Variants in UNC13C observed in about 807,000 individuals in gnomAD.
UNC13C encodes the protein unc-13 homolog C.
Under a neutral mutation model 245.4 loss-of-function variants are expected in UNC13C, and 174 were observed. The observed-to-expected ratio is 0.71, with a 90% CI of 0.63 to 0.80. The LOEUF is 0.80. Ranked by LOEUF, UNC13C falls within the 30% of genes least tolerant of loss-of-function variation. UNC13C has a pLI of 0.00. For synonymous variants in UNC13C, 992 were observed against 895.1 expected (o/e 1.11, Z -1.93); for missense variants, 2,829 against 2,602.9 (o/e 1.09, Z -1.89).
chr15:54,575,199 C>T (rs1436651584), intron 30 of UNC13C, among the ~76,000 whole-genome samples: 1 of 152,126 alleles, frequency 6.6e-6, no homozygotes, highest in Non-Finnish European at 1.5e-5. Flanking sequence ...CCACACCCAG[C>T]TAATTTTTGT....
In UNC13C at chr15:54,322,007, C is replaced by A; in HGVS notation, c.4337C>A (p.Ala1446Asp). Residue 1446 changes from alanine (A) to aspartate (D), a missense_variant, in exon 14 of 33, where the codon GCT becomes GAT. Ala to Asp is a moderately radical substitution (Grantham distance 126, BLOSUM62 -2). Transcript: ENST00000260323. The part of the protein sequence containing the change: ...GVPAVMSTLL[A>D]NINAFYAHTT... ...CCTGCCGTCATGAGCACCTTGCTGG[C>A]TAATATAAATGCTTTTTATGCTCAC... The A allele has an allele frequency of 6.3e-7, 1 of 1,588,668 alleles. No individual in the cohort carries two copies. The highest frequency in any genetic ancestry group is 8.6e-7 in the Non-Finnish European group (1 of 1,166,058).
intron 1 of UNC13C, among the ~76,000 whole-genome samples, chr15:53,998,379 A>T (rs540622197): frequency 2.8e-4 from 42 of 152,230 alleles, no homozygotes; most frequent in African/African-American, 9.6e-4. Context: ...TAAAAATTTT[A>T]TGATTTTGAT....
At chr15:54,086,275 C>T (rs1178657359) in intron 2 of UNC13C, among the ~76,000 whole-genome samples, 3 of 152,286 alleles carry the variant, frequency 2.0e-5, no homozygotes, top group South Asian at 4.1e-4. Flanking sequence ...GTAGCCACTC[C>T]TATATTTTGC....
chr15:54,228,081 ACTTTCCATCTC>A (rs1451050651), intron 4 of UNC13C, among the ~76,000 whole-genome samples: 4 of 152,030 alleles, frequency 2.6e-5, no homozygotes, highest in Non-Finnish European at 2.9e-5. Flanking sequence ...AGTCCTACTC[ACTTTCCATCTC>A]CTTTCCATAT....
At chr15:54,273,011 G>T (rs1184765263) in intron 10 of UNC13C, among the ~76,000 whole-genome samples, 1 of 152,142 alleles carries the variant, frequency 6.6e-6, no homozygotes, top group Non-Finnish European at 1.5e-5. Context: ...GAACCAAACA[G>T]AACTTAAATA....
chr15:54,457,581 A>G (rs768877684), intron 19 of UNC13C, among the ~76,000 whole-genome samples: 98 of 151,388 alleles, frequency 6.5e-4, no homozygotes, highest in Non-Finnish European at 1.3e-3. Flanking sequence ...CCGAGTTTCT[A>G]TTTTTTCCTG....
At chr15:54,054,122 T>A (rs1318439811) in intron 2 of UNC13C, among the ~76,000 whole-genome samples, 1 of 152,220 alleles carries the variant, frequency 6.6e-6, no homozygotes, top group African/African-American at 2.4e-5. Context: ...ACTGGTTTCC[T>A]TTCTTTGGGC....
At chr15:54,491,901 A>G (rs948187326) in intron 19 of UNC13C, among the ~76,000 whole-genome samples, 2 of 151,828 alleles carry the variant, frequency 1.3e-5, no homozygotes, top group Non-Finnish European at 2.9e-5. Flanking sequence ...CTGAGGCAGG[A>G]GAATGGTGTC....
At chr15:53,914,891 A>G in the UNC13C span, among the ~76,000 whole-genome samples, 1 of 152,104 alleles carries the variant, frequency 6.6e-6, no homozygotes, top group Non-Finnish European at 1.5e-5. Flanking sequence ...ATGTGTGTGT[A>G]TGTATACATA....
At chr15:54,121,517 C>G (rs962349398) in intron 2 of UNC13C, among the ~76,000 whole-genome samples, 5 of 151,776 alleles carry the variant, frequency 3.3e-5, no homozygotes, top group Non-Finnish European at 7.4e-5. Context: ...TTTTGTGGCC[C>G]TCTGTTTTGT....
intron 4 of UNC13C, among the ~76,000 whole-genome samples, chr15:54,190,721 T>C (rs1229231927): frequency 6.6e-6 from 1 of 152,054 alleles, no homozygotes; most frequent in Admixed American, 6.6e-5. Context: ...GTGTCCCATT[T>C]AGTAATTTTG....
Position 54,532,414 on chromosome 15 carries a change from T to G in UNC13C, c.5547-503T>G, listed in dbSNP as rs547838702. Among the ~76,000 whole-genome samples, 3 of 152,314 alleles carry G rather than the reference T, an allele frequency of 2.0e-5. No homozygotes were observed. In the South Asian group the frequency reaches 6.2e-4, roughly 32 times the overall value. ...TGCAACACTATTCACAATAGCAAAG[T>G]AAGGCATCAACCTAAATGCCCATCA... On this transcript the variant is annotated intron_variant, in intron 25 of 32. Transcript: ENST00000260323.
At chr15:54,311,602 A>G (rs1408073734) in intron 13 of UNC13C, among the ~76,000 whole-genome samples, 3 of 151,666 alleles carry the variant, frequency 2.0e-5, no homozygotes, top group Non-Finnish European at 4.4e-5. Flanking sequence ...TTAGGAACTT[A>G]TGCACCAAGA....
At chr15:54,337,460 A>T (rs1007497821) in intron 16 of UNC13C, among the ~76,000 whole-genome samples, 11 of 152,064 alleles carry the variant, frequency 7.2e-5, no homozygotes, top group Non-Finnish European at 1.6e-4. Context: ...AGTTTTTCCC[A>T]TTTAAATTGA....
chr15:54,524,108 G>A (rs1312554143), intron 24 of UNC13C, among the ~76,000 whole-genome samples: 1 of 152,180 alleles, frequency 6.6e-6, no homozygotes, highest in Non-Finnish European at 1.5e-5. Flanking sequence ...AAATAAGTAT[G>A]TACTATCTAA....
rs2032095522 is a variant in UNC13C, at chr15:54,143,046, A to C, written c.3006+6A>C. On this transcript the variant is annotated splice_donor_region_variant and intron_variant, in intron 3 of 32. Coordinates refer to ENST00000260323, the MANE Select transcript of UNC13C (RefSeq NM_001080534.3). ...GCAGTTCTGTGGATGAAAAGGTTTT[A>C]AATCATACTTATTCTTCCCTCCTGA... 1 of 1,610,350 alleles carries C rather than the reference A, an allele frequency of 6.2e-7. No individual in the cohort carries two copies. The highest frequency in any genetic ancestry group is 1.3e-5 in the African/African-American group (1 of 74,902).
chr15:54,242,848 A>G (rs747212933), intron 7 of UNC13C, among the ~76,000 whole-genome samples: 34 of 152,098 alleles, frequency 2.2e-4, no homozygotes, highest in African/African-American at 8.2e-4. Flanking sequence ...TCACCACACA[A>G]TTTTCCATGG....
the UNC13C span, among the ~76,000 whole-genome samples, chr15:53,939,325 C>G: frequency 2.6e-5 from 4 of 152,122 alleles, no homozygotes; most frequent in African/African-American, 9.7e-5. Flanking sequence ...CTAATGAGTT[C>G]TGAAATTGAG....
At chr15:54,614,532 T>C (rs1291388051) in intron 30 of UNC13C, among the ~76,000 whole-genome samples, 1 of 152,050 alleles carries the variant, frequency 6.6e-6, no homozygotes, top group Non-Finnish European at 1.5e-5. Context: ...GCTCCGGTCT[T>C]AGGCTCTATT....
Sources: gnomAD v4.1 joint callset for allele counts (sites outside exome capture counted in the v4.1 genomes callset) on GRCh38, gnomAD v4.1.1 for gene constraint, MANE v1.5 for transcripts, NCBI Gene and HGNC (gene_info 2026-07-23, HGNC 2026-07-21) for gene names.